Variants in MED12L observed in about 807,000 individuals in gnomAD.
The protein encoded by MED12L is mediator of RNA polymerase II transcription subunit 12-like protein.
In MED12L, 60 loss-of-function variants were observed where a neutral mutation model predicts 281.3. The ratio of observed to expected loss-of-function variants is 0.21; its 90% CI spans 0.17 to 0.26. The LOEUF (loss-of-function observed/expected upper bound fraction) is 0.26, where lower values mean the gene tolerates loss of function less well. Among genes scored for constraint, MED12L ranks in the 10% least tolerant of loss-of-function variants. MED12L has a pLI of 1.00. For synonymous variants in MED12L, 974 were observed against 987.2 expected (o/e 0.99, Z 0.25); for missense variants, 2,146 against 2,680.9 (o/e 0.80, Z 4.41).
chr3:151,143,435 TTTTTG>T (rs1717326229), intron 5 of MED12L, among the ~76,000 whole-genome samples: 1 of 152,230 alleles, frequency 6.6e-6, no homozygotes, highest in Non-Finnish European at 1.5e-5. Context: ...AGTTTGTTTA[TTTTTG>T]CTCCTCAGAT....
At chr3:151,145,787 G>A (rs887759589) in intron 5 of MED12L, among the ~76,000 whole-genome samples, 5 of 152,148 alleles carry the variant, frequency 3.3e-5, no homozygotes, top group Admixed American at 3.3e-4. Flanking sequence ...CCACATCTCC[G>A]TTGATGGCAC....
In MED12L at chr3:151,169,118, T is replaced by G. The variant is rs539601073; in HGVS notation, c.1494+3136T>G. On this transcript the variant is annotated intron_variant, in intron 11 of 44. Transcript: ENST00000687756. ...TTTCTTTTTCTTTGTTTTTTTTTTT[T>G]TTTGTTTTTTTTTTTTTGAGACGGA... Among the ~76,000 whole-genome samples, 566 of 137,138 alleles carry G rather than the reference T, an allele frequency of 4.1e-3. 2 individuals carry two copies. Among genetic ancestry groups the G allele is most frequent in the Middle Eastern group, 0.019 (5 of 270 alleles). 90.0% of individuals were successfully genotyped at this position (137,138 alleles called of 152,430 possible). A position where few individuals can be genotyped will look rare whatever the true frequency, so the allele number is the denominator to read the frequency against.
intron 39 of MED12L, 44 bp downstream of exon 39, chr3:151,394,911 C>T: frequency 6.2e-7 from 1 of 1,609,930 alleles, no homozygotes; most frequent in Non-Finnish European, 8.5e-7. Context: ...ATTTTATTAC[C>T]TCTGCTAGCT....
Position 151,423,816 on chromosome 3 carries a change from A to G in MED12L, c.6409-6483A>G, listed in dbSNP as rs73869063. Among the ~76,000 whole-genome samples the G allele has an allele frequency of 9.5e-3, 1,451 of 152,234 alleles. 25 individuals are homozygous for G. Among genetic ancestry groups the G allele is most frequent in the African/African-American group, 0.033 (1,353 of 41,540 alleles). On this transcript the variant is annotated intron_variant, in intron 43 of 44. Transcript: ENST00000687756. Reference sequence around the variant, plus strand: ...CGCTGCATCATTTCCTTTCATCTTAAACTCAGGTTGTCTTAGTTTGGTGAC... The same window carrying G: ...CGCTGCATCATTTCCTTTCATCTTAGACTCAGGTTGTCTTAGTTTGGTGAC...
At chr3:151,368,058 A>T (rs944060117) in intron 24 of MED12L, 92 bp from the exon 25 acceptor site, 1 of 956,084 alleles carries the variant, frequency 1.0e-6, no homozygotes, top group Non-Finnish European at 1.5e-6. Flanking sequence ...TTATTTAAAT[A>T]ATTATTCCAG....
intron 16 of MED12L, among the ~76,000 whole-genome samples, chr3:151,309,766 C>G (rs987422766): frequency 3.3e-5 from 5 of 152,210 alleles, no homozygotes; most frequent in Non-Finnish European, 2.9e-5. Context: ...CAGGGTCTAG[C>G]AGAGTACCTG....
At chr3:151,271,671 C>T (rs1023723361) in intron 16 of MED12L, among the ~76,000 whole-genome samples, 7 of 152,052 alleles carry the variant, frequency 4.6e-5, no homozygotes, top group African/African-American at 9.7e-5. Flanking sequence ...TATGGTGATC[C>T]GGAGGATGAT....
At chr3:151,317,686 A>G (rs1216845835) in intron 16 of MED12L, among the ~76,000 whole-genome samples, 1 of 151,596 alleles carries the variant, frequency 6.6e-6, no homozygotes, top group Non-Finnish European at 1.5e-5. Context: ...TCCTGACCTC[A>G]TGATCCGCCC....
At chr3:151,391,927 A>G (rs1365417103) in intron 38 of MED12L, among the ~76,000 whole-genome samples, 1 of 152,218 alleles carries the variant, frequency 6.6e-6, no homozygotes, top group Non-Finnish European at 1.5e-5. Context: ...GGATGCAATC[A>G]TCATCCTTTT....
At chr3:151,423,791 C>T (rs901217659) in intron 43 of MED12L, among the ~76,000 whole-genome samples, 8 of 152,238 alleles carry the variant, frequency 5.3e-5, no homozygotes, top group African/African-American at 1.9e-4. Flanking sequence ...AACACCATCC[C>T]GCTGCATCAT....
intron 16 of MED12L, among the ~76,000 whole-genome samples, chr3:151,236,683 T>A (rs1732889865): frequency 1.3e-5 from 2 of 152,250 alleles, no homozygotes; most frequent in Non-Finnish European, 2.9e-5. Flanking sequence ...AAAGTGTGTG[T>A]GAATGAAGTT....
At chr3:151,320,801 AGTGTCCGG>A (rs1322659791) in intron 16 of MED12L, among the ~76,000 whole-genome samples, 1 of 152,182 alleles carries the variant, frequency 6.6e-6, no homozygotes, top group East Asian at 1.9e-4. Context: ...TGCGAGAGGC[AGTGTCCGG>A]CTGTGACAAG....
At chr3:151,422,125 C>G (rs1332373816) in intron 43 of MED12L, among the ~76,000 whole-genome samples, 4 of 152,102 alleles carry the variant, frequency 2.6e-5, no homozygotes, top group Non-Finnish European at 5.9e-5. Context: ...ATAGAGCGTG[C>G]CAGTGAAACA....
chr3:151,372,814 T>C (rs748679899), intron 27 of MED12L, 48 bp downstream of exon 27: 3 of 1,478,130 alleles, frequency 2.0e-6, no homozygotes, highest in Non-Finnish European at 2.8e-6. Flanking sequence ...AACTCTTCTT[T>C]TGGAGAGAGC....
chr3:151,326,064 G>A (rs186148548), intron 16 of MED12L, among the ~76,000 whole-genome samples: 1 of 152,292 alleles, frequency 6.6e-6, no homozygotes, highest in Admixed American at 6.5e-5. Context: ...ATAGTGCATA[G>A]CTAAAGGATT....
At chr3:151,261,441 G>A (rs1167022903) in intron 16 of MED12L, 2 of 152,056 alleles carry the variant, frequency 1.3e-5, no homozygotes, top group African/African-American at 4.8e-5. Context: ...GGTAATTCCT[G>A]GGTAAGTAAT....
intron 2 of MED12L, among the ~76,000 whole-genome samples, chr3:151,112,214 T>C (rs1161575466): frequency 6.6e-6 from 1 of 152,140 alleles, no homozygotes; most frequent in African/African-American, 2.4e-5. Context: ...CTGTATCAGT[T>C]TGCATTTTGT....
intron 43 of MED12L, among the ~76,000 whole-genome samples, chr3:151,426,561 A>G (rs1284055412): frequency 6.6e-6 from 1 of 152,212 alleles, no homozygotes; most frequent in Non-Finnish European, 1.5e-5. Flanking sequence ...TTGTAGATAT[A>G]GATCATGTAC....
At chr3:151,417,487 C>CCCCTT (rs1717736742) in intron 43 of MED12L, among the ~76,000 whole-genome samples, 12 of 78,814 alleles carry the variant, frequency 1.5e-4, no homozygotes, top group Non-Finnish European at 2.1e-4. Context: ...CCCCCCCCGC[C>CCCCTT]TTTTTTTTTT....
Sources: gnomAD v4.1 joint callset for allele counts (sites outside exome capture counted in the v4.1 genomes callset) on GRCh38, gnomAD v4.1.1 for gene constraint, MANE v1.5 for transcripts, NCBI Gene and HGNC (gene_info 2026-07-23, HGNC 2026-07-21) for gene names.